Variants in EEF1A2 observed in about 807,000 individuals in gnomAD.
EEF1A2 encodes elongation factor 1-alpha 2.
EEF1A2 carries 5 observed loss-of-function variants against 39.3 expected under a neutral mutation model. That is an observed-to-expected ratio of 0.13 (90% CI 0.07 to 0.27). The LOEUF (loss-of-function observed/expected upper bound fraction) is 0.27. Ranked by LOEUF, EEF1A2 falls within the 10% of genes least tolerant of loss-of-function variation. The probability of loss-of-function intolerance (pLI) is 1.00; values close to 1 mark genes in which losing one functional copy is unlikely to be tolerated. For missense variants in EEF1A2, 218 were observed against 681.4 expected, an observed-to-expected ratio of 0.32 and a Z score of 7.57; for synonymous variants, 287 against 293.7, an observed-to-expected ratio of 0.98 and a Z score of 0.23.
intron 6 of EEF1A2, among the ~76,000 whole-genome samples, chr20:63,489,854 A>G (rs2082370076): frequency 6.6e-6 from 1 of 152,262 alleles, no homozygotes; most frequent in African/African-American, 2.4e-5. Flanking sequence ...GAATAAAAGT[A>G]TGACAGAGAT....
chr20:63,495,128 C>T lies in EEF1A2; in HGVS notation c.325-27G>A, dbSNP rs774473203. ...TGCCCGGCAGGGGACACAGTGAGCC[C>T]TGCCCCGCCTGCCTGGCAGGGGACA... On this transcript the variant is annotated intron_variant, in intron 3 of 7. Coordinates refer to ENST00000217182, the MANE Select transcript of EEF1A2 (RefSeq NM_001958.5). 1.9e-6 allele frequency: 3 copies of T among 1,594,892 alleles called. No individual in the cohort carries two copies. In the Admixed American group the frequency reaches 5.0e-5, roughly 27 times the overall value.
intron 2 of EEF1A2, 51 bp from the exon 3 acceptor site, chr20:63,496,086 C>T (rs771123891): frequency 6.9e-6 from 11 of 1,599,556 alleles, no homozygotes; most frequent in Non-Finnish European, 9.4e-6. Context: ...ACCCAGGAGT[C>T]CCTGGTGGTG....
intron 6 of EEF1A2, chr20:63,490,067 C>CTTTTTT (rs57130528): frequency 2.6e-5 from 4 of 151,396 alleles, no homozygotes; most frequent in East Asian, 1.7e-4. Flanking sequence ...GGTCCCTTTT[C>CTTTTTT]TTTTTTTTTT....
At position 63,497,402 on chromosome 20, in the gene EEF1A2, CA is replaced by C; in HGVS notation, c.144+217del. On this transcript the variant is annotated intron_variant, in intron 2 of 7. Coordinates refer to ENST00000217182, the MANE Select transcript of EEF1A2 (RefSeq NM_001958.5). The surrounding 1 kb of genome is among the most constrained non-coding windows in gnomAD (Gnocchi z 7.3). The stretch of plus-strand genomic sequence containing the variant: ...CTCCCTCACCACAGGGCAAGTCCGG[CA>C]GCTCGATGGCCACCCCTCCCCCACC... The C allele has an allele frequency of 1.7e-6, 1 of 605,656 alleles. No individual in the cohort carries two copies. Among genetic ancestry groups the C allele is most frequent in the Non-Finnish European group, 2.6e-6 (1 of 381,264 alleles). 37.5% of individuals were successfully genotyped at this position (605,656 alleles called of 1,614,324 possible). A position where few individuals can be genotyped will look rare whatever the true frequency, so the allele number is the denominator to read the frequency against.
intron 2 of EEF1A2, 148 bp from the exon 3 acceptor site, chr20:63,496,183 C>T (rs1469208280): frequency 3.1e-6 from 3 of 962,238 alleles, no homozygotes; most frequent in Non-Finnish European, 4.5e-6. Flanking sequence ...CCTGGGACGC[C>T]GGCCCCCTCC....
At chr20:63,492,319 T>C (rs2082388388) in intron 5 of EEF1A2, among the ~76,000 whole-genome samples, 1 of 151,256 alleles carries the variant, frequency 6.6e-6, no homozygotes, top group Non-Finnish European at 1.5e-5. Flanking sequence ...GATGAATGGA[T>C]GGATGGATAG....
chr20:63,491,043 G>C (rs1600903898), intron 5 of EEF1A2, among the ~76,000 whole-genome samples: 1 of 152,250 alleles, frequency 6.6e-6, no homozygotes, highest in African/African-American at 2.4e-5. Flanking sequence ...GAGAGGGGCT[G>C]TCTGAACCTG....
At position 63,497,951 on chromosome 20, in the gene EEF1A2, T is replaced by C. The variant is rs1456902505; in HGVS notation, c.-71-117A>G. On this transcript the variant is annotated intron_variant, in intron 1 of 7. Transcript: ENST00000217182. This position sits in a 1 kb window ranked among gnomAD's most constrained non-coding sequence, Gnocchi z 7.3. ...TCCCTGCCCACAAACCAAGCCCCCA[T>C]GTTTGGTGGGGAGGGAAGGGCCCCC... is the stretch of plus-strand genomic sequence containing the variant. The C allele has an allele frequency of 6.5e-6, 5 of 770,424 alleles. No homozygotes were observed. Among genetic ancestry groups the C allele is most frequent in the Non-Finnish European group, 9.7e-6 (5 of 514,006 alleles). The allele number at this position is 770,424 out of a possible 1,614,324, so 47.7% of individuals were successfully genotyped here. A position where few individuals can be genotyped will look rare whatever the true frequency, so the allele number is the denominator to read the frequency against.
At chr20:63,495,782 C>T in intron 3 of EEF1A2, 74 bp downstream of exon 3, 1 of 1,558,470 alleles carries the variant, frequency 6.4e-7, no homozygotes. Context: ...ATCCCAGTGA[C>T]CCCAGGGGCC....
At chr20:63,496,202 C>T (rs973633450) in intron 2 of EEF1A2, 167 bp from the exon 3 acceptor site, 5 of 799,976 alleles carry the variant, frequency 6.3e-6, no homozygotes, top group Admixed American at 5.6e-5. Flanking sequence ...CCGTCGGGAC[C>T]CCACACCCAG....
Position 63,497,892 on chromosome 20 carries a change from A to G in EEF1A2, c.-71-58T>C. 1 of 1,275,058 alleles carries G rather than the reference A, an allele frequency of 7.8e-7. No individual in the cohort carries two copies. Among genetic ancestry groups the G allele is most frequent in the Non-Finnish European group, 1.1e-6 (1 of 925,158 alleles). 79.0% of individuals were successfully genotyped at this position (1,275,058 alleles called of 1,614,324 possible). On this transcript the variant is annotated intron_variant, in intron 1 of 7. Transcript: ENST00000217182. This position sits in a 1 kb window ranked among gnomAD's most constrained non-coding sequence, Gnocchi z 7.3. ...ATGGGGAGCCCCAGGGGGAGACACC[A>G]GCAGAGACTGTCCTGGCACAGGCTG...
At chr20:63,495,455 G>A (rs908125816) in intron 3 of EEF1A2, among the ~76,000 whole-genome samples, 2 of 152,224 alleles carry the variant, frequency 1.3e-5, no homozygotes, top group African/African-American at 4.8e-5. Context: ...TGTCTGCAGG[G>A]TGCTGTGTCT....
Position 63,488,436 on chromosome 20 carries a change from G to A in EEF1A2, c.1265-11C>T, listed in dbSNP as rs762339090. 5.6e-6 allele frequency: 8 copies of A among 1,437,896 alleles called. No individual in the cohort carries two copies. Among genetic ancestry groups the A allele is most frequent in the Non-Finnish European group, 7.3e-6 (8 of 1,097,388 alleles). 89.1% of individuals were successfully genotyped at this position (1,437,896 alleles called of 1,614,324 possible). A position where few individuals can be genotyped will look rare whatever the true frequency, so the allele number is the denominator to read the frequency against. On this transcript the variant is annotated splice_polypyrimidine_tract_variant and intron_variant, in intron 7 of 7. Coordinates refer to ENST00000217182, the MANE Select transcript of EEF1A2 (RefSeq NM_001958.5). Reference sequence around the variant, plus strand: ...GCACGGCGAAGCGGCCTGGGGGGCGGGGGGCGGCGTGTGGGCGGGGCCGGA... The same window carrying A: ...GCACGGCGAAGCGGCCTGGGGGGCGAGGGGCGGCGTGTGGGCGGGGCCGGA...
intron 3 of EEF1A2, among the ~76,000 whole-genome samples, chr20:63,495,395 T>G (rs2082412236): frequency 1.3e-5 from 2 of 152,228 alleles, no homozygotes; most frequent in Non-Finnish European, 2.9e-5. Context: ...TGAGGACGGA[T>G]AGAAGTCACA....
chr20:63,490,953 G>A (rs1013869475), intron 5 of EEF1A2, among the ~76,000 whole-genome samples: 2 of 152,202 alleles, frequency 1.3e-5, no homozygotes, highest in Non-Finnish European at 2.9e-5. Context: ...CCACCCAGCT[G>A]GGGAAATAAG....
intron 5 of EEF1A2, 45 bp from the exon 6 acceptor site, chr20:63,490,780 A>C: frequency 6.4e-7 from 1 of 1,565,484 alleles, no homozygotes; most frequent in East Asian, 2.3e-5. Flanking sequence ...GCCCGAGGGG[A>C]TGCTGGGGCA....
rs1481093353 is a variant in EEF1A2 at position 63,498,962 on chromosome 20, G to T, written c.-72+96C>A. ...CCGGGCGCGCGCGGGGGCGGGTGCG[G>T]GGCCCGGCCACCCTCTGCCCCCCAG... On this transcript the variant is annotated intron_variant, in intron 1 of 7. Transcript: ENST00000217182. The surrounding 1 kb of genome is among the most constrained non-coding windows in gnomAD (Gnocchi z 4.1). 6.7e-6 allele frequency: 1 copy of T among 149,384 alleles called. No individual in the cohort carries two copies. Among genetic ancestry groups the T allele is most frequent in the Non-Finnish European group, 1.5e-5 (1 of 67,178 alleles). The allele number at this position is 149,384 out of a possible 1,614,324, so 9.3% of individuals were successfully genotyped here. A position where few individuals can be genotyped will look rare whatever the true frequency, so the allele number is the denominator to read the frequency against.
At chr20:63,493,041 G>A (rs982295293) in intron 5 of EEF1A2, 96 bp downstream of exon 5, 10 of 1,442,292 alleles carry the variant, frequency 6.9e-6, no homozygotes, top group East Asian at 2.6e-5. Context: ...GGGAGAGATT[G>A]GAGACAGCCC....
At chr20:63,491,732 A>G (rs1600904404) in intron 5 of EEF1A2, among the ~76,000 whole-genome samples, 3 of 120,124 alleles carry the variant, frequency 2.5e-5, no homozygotes, top group Middle Eastern at 5.9e-3. Flanking sequence ...ATGGGTGGGG[A>G]GATGGATGAG....
Sources: gnomAD v4.1 joint callset for allele counts (sites outside exome capture counted in the v4.1 genomes callset) on GRCh38, gnomAD v4.1.1 for gene constraint, Gnocchi (gnomAD v3.1) non-coding constraint, MANE v1.5 for transcripts, NCBI Gene and HGNC (gene_info 2026-07-23, HGNC 2026-07-21) for gene names.